Variants in SLC15A2 observed in about 807,000 individuals in gnomAD.
SLC15A2 encodes kidney H(+)/peptide cotransporter.
Under a neutral mutation model 95.5 loss-of-function variants are expected in SLC15A2, and 77 were observed. That is an observed-to-expected ratio of 0.81 (90% CI 0.67 to 0.97). The LOEUF is 0.97. Among genes scored for constraint, SLC15A2 ranks in the 50% least tolerant of loss-of-function variants. The pLI is 0.00. For missense variants in SLC15A2, 893 were observed against 874.4 expected (o/e 1.02, Z -0.27); for synonymous variants, 306 against 306.9 (o/e 1.00, Z 0.03).
At chr3:121,927,640 T>G in intron 13 of SLC15A2, 118 bp from the exon 14 acceptor site, 1 of 690,094 alleles carries the variant, frequency 1.4e-6, no homozygotes, top group Non-Finnish European at 2.5e-6. Flanking sequence ...GTCTCAGGTA[T>G]TTCTTTACAG....
chr3:121,935,916 C>T (rs1236078577), intron 19 of SLC15A2, among the ~76,000 whole-genome samples: 1 of 151,940 alleles, frequency 6.6e-6, no homozygotes, highest in African/African-American at 2.4e-5. Context: ...CTATAAATTT[C>T]CTTCTACACA....
In SLC15A2 at chr3:121,911,598, G is replaced by A. The variant is rs1709768390; in HGVS notation, c.360G>A (p.Val120=). Residue 120 remains valine (V), a synonymous_variant, in exon 4 of 22, where the codon GTG becomes GTA. Coordinates refer to ENST00000489711, the MANE Select transcript of SLC15A2 (RefSeq NM_021082.4). The stretch of plus-strand genomic sequence containing the variant: ...GGACAATCATCTATCTCTCCTTGGT[G>A]TATGTGCTTGGCCATGTGATCAAGT... ...KFKTIIYLSL[V]YVLGHVIKSL... is the part of the protein sequence containing the mutation. The A allele has an allele frequency of 5.0e-6, 8 of 1,613,936 alleles. No homozygotes were observed. Among genetic ancestry groups the A allele is most frequent in the Non-Finnish European group, 6.8e-6 (8 of 1,179,840 alleles).
chr3:121,926,509 G>A (rs1559850813), intron 13 of SLC15A2, among the ~76,000 whole-genome samples: 1 of 152,212 alleles, frequency 6.6e-6, no homozygotes, highest in Admixed American at 6.5e-5. Flanking sequence ...GGCATACAGA[G>A]TGCAAGAATG....
At chr3:121,915,054 T>A (rs1052043067) in intron 5 of SLC15A2, 173 bp from the exon 6 acceptor site, 1 of 1,294,002 alleles carries the variant, frequency 7.7e-7, no homozygotes, top group African/African-American at 1.5e-5. Flanking sequence ...AGTAAATGAT[T>A]GGGGTCAGCC....
intron 3 of SLC15A2, among the ~76,000 whole-genome samples, chr3:121,901,062 A>C (rs927075447): frequency 2.0e-5 from 3 of 151,896 alleles, no homozygotes; most frequent in African/African-American, 7.3e-5. Context: ...TCTGTCACCC[A>C]GGCTGGAGTG....
At position 121,928,589 on chromosome 3, in the gene SLC15A2, G is replaced by A. The variant is rs568892002; in HGVS notation, c.1341+34G>A. 5.0e-6 allele frequency: 8 copies of A among 1,604,114 alleles called. No individual in the cohort carries two copies. The South Asian group carries it at 7.8e-5, about 16-fold the overall frequency. ...TGTACCTGAATGAATTAGAAACTCT[G>A]TATGCTATATTGATCTTGATTTTTC... On this transcript the variant is annotated intron_variant, in intron 15 of 21. Transcript: ENST00000489711.
At chr3:121,907,894 G>A (rs777309864) in intron 3 of SLC15A2, among the ~76,000 whole-genome samples, 2 of 152,218 alleles carry the variant, frequency 1.3e-5, no homozygotes, top group East Asian at 1.9e-4. Context: ...CTGGGAGAAC[G>A]AGTGCTCTCT....
rs1020589500 is a variant in SLC15A2 at position 121,943,437 on chromosome 3, T to A, written c.*2430T>A. On this transcript the variant is annotated 3_prime_UTR_variant, in exon 22 of 22. Coordinates refer to ENST00000489711, the MANE Select transcript of SLC15A2 (RefSeq NM_021082.4). ...AATTTGTCCTTTTACCATCCTACTT[T>A]CTGTCTTCTGAAAAACATTCTTTAT... The A allele has an allele frequency of 4.6e-5, 7 of 152,206 alleles. No individual in the cohort carries two copies. Among genetic ancestry groups the A allele is most frequent in the African/African-American group, 1.7e-4 (7 of 41,452 alleles). The allele number at this position is 152,206 out of a possible 1,614,324, so 9.4% of individuals were successfully genotyped here.
intron 19 of SLC15A2, among the ~76,000 whole-genome samples, chr3:121,938,049 T>C (rs1559855663): frequency 6.6e-6 from 1 of 151,752 alleles, no homozygotes; most frequent in African/African-American, 2.4e-5. Flanking sequence ...CTGCCCCTGC[T>C]GGGGGGTGCC....
At chr3:121,901,008 T>C (rs1283882683) in intron 3 of SLC15A2, among the ~76,000 whole-genome samples, 2 of 149,560 alleles carry the variant, frequency 1.3e-5, no homozygotes, top group African/African-American at 4.9e-5. Flanking sequence ...TATATAAGTA[T>C]ATATATAATA....
intron 3 of SLC15A2, among the ~76,000 whole-genome samples, chr3:121,910,160 T>C (rs1205432910): frequency 6.6e-6 from 1 of 151,540 alleles, no homozygotes; most frequent in African/African-American, 2.4e-5. Context: ...TTCCCTCCCC[T>C]GATGTTAATT....
intron 2 of SLC15A2, among the ~76,000 whole-genome samples, 162 bp downstream of exon 2, chr3:121,896,655 C>G (rs1709418603): frequency 6.6e-6 from 1 of 152,068 alleles, no homozygotes; most frequent in Admixed American, 6.5e-5. Flanking sequence ...ATAAATCTCT[C>G]ATAGGATTTC....
At chr3:121,894,649 C>A in intron 1 of SLC15A2, 68 bp downstream of exon 1, 1 of 1,207,540 alleles carries the variant, frequency 8.3e-7, no homozygotes, top group Non-Finnish European at 1.2e-6. Flanking sequence ...CTTCCTTGGG[C>A]TCTGGAGCTT....
intron 9 of SLC15A2, 75 bp from the exon 10 acceptor site, chr3:121,922,965 G>T (rs1710037360): frequency 1.0e-5 from 16 of 1,555,904 alleles, no homozygotes; most frequent in Non-Finnish European, 1.3e-5. Context: ...CTGTTTTTTG[G>T]ACACTTCTAC....
intron 19 of SLC15A2, among the ~76,000 whole-genome samples, chr3:121,937,794 T>G (rs146282991): frequency 0.07 from 10,624 of 152,324 alleles, 421 homozygotes; most frequent in South Asian, 0.16. Flanking sequence ...CCGGCTTTGT[T>G]CCGTTGCTGA....
At chr3:121,928,153 C>A in intron 14 of SLC15A2, 1 of 539,244 alleles carries the variant, frequency 1.9e-6, no homozygotes, top group Non-Finnish European at 3.3e-6. Flanking sequence ...AACCTTTTGG[C>A]AGATTGAATA....
chr3:121,922,656 G>A, intron 8 of SLC15A2, 119 bp from the exon 9 acceptor site: 1 of 627,774 alleles, frequency 1.6e-6, no homozygotes. Flanking sequence ...GCCTGATTAG[G>A]TCAAAGAGTT....
chr3:121,906,412 T>C (rs1485820045), intron 3 of SLC15A2, among the ~76,000 whole-genome samples: 1 of 152,258 alleles, frequency 6.6e-6, no homozygotes, highest in Non-Finnish European at 1.5e-5. Flanking sequence ...TGATGTTAGC[T>C]GGTTATTTTG....
chr3:121,926,444 T>C (rs2689288), intron 13 of SLC15A2, among the ~76,000 whole-genome samples: 67,450 of 151,576 alleles, frequency 0.44, 15,486 homozygotes, highest in East Asian at 0.69. Context: ...TGTCTGTTTC[T>C]CCAGAGGGTA....
Sources: gnomAD v4.1 joint callset for allele counts (sites outside exome capture counted in the v4.1 genomes callset) on GRCh38, gnomAD v4.1.1 for gene constraint, MANE v1.5 for transcripts, NCBI Gene and HGNC (gene_info 2026-07-23, HGNC 2026-07-21) for gene names.